The following ZNF536 variants were observed in gnomAD, a reference collection of about 807,000 sequenced individuals.
ZNF536 encodes zinc finger protein 536.
A neutral mutation model predicts 84.5 loss-of-function variants in ZNF536; 13 were observed. The ratio of observed to expected loss-of-function variants is 0.15; its 90% CI spans 0.10 to 0.24. ZNF536 has a LOEUF of 0.24. Ranked by LOEUF, ZNF536 falls within the 10% of genes least tolerant of loss-of-function variation. ZNF536 has a pLI of 1.00. For missense variants in ZNF536, 1,536 were observed against 1,747.5 expected (o/e 0.88, Z 2.16); for synonymous variants, 811 against 742.5 (o/e 1.09, Z -1.50).
chr19:30,465,097 G>T (rs1019065568), intron 2 of ZNF536, among the ~76,000 whole-genome samples: 1 of 152,066 alleles, frequency 6.6e-6, no homozygotes, highest in Non-Finnish European at 1.5e-5. Flanking sequence ...CATGAAGTAC[G>T]GAGTTAAATC....
chr19:30,267,802 G>A (rs1463075922), intron 1 of ZNF536, among the ~76,000 whole-genome samples: 1 of 152,062 alleles, frequency 6.6e-6, no homozygotes, highest in African/African-American at 2.4e-5. Context: ...GGTATTGATA[G>A]TGAGTTTTCA....
intron 1 of ZNF536, among the ~76,000 whole-genome samples, chr19:30,443,229 G>C (rs1278272007): frequency 6.6e-6 from 1 of 151,996 alleles, no homozygotes; most frequent in Non-Finnish European, 1.5e-5. Flanking sequence ...ATGGGGCAAC[G>C]GAGAAAAAGT....
intron 1 of ZNF536, among the ~76,000 whole-genome samples, chr19:30,375,227 C>A (rs552634159): frequency 8.3e-4 from 123 of 148,766 alleles, no homozygotes; most frequent in Non-Finnish European, 1.3e-3. Context: ...CACCCCGAGG[C>A]CGAGCGCTGC....
rs1043533937 is a variant in ZNF536 at position 30,485,214 on chromosome 19, A to C, written c.2170+39482A>C. On this transcript the variant is annotated intron_variant, in intron 2 of 4. Coordinates refer to ENST00000355537, the MANE Select transcript of ZNF536 (RefSeq NM_014717.3). Reference sequence around the variant, plus strand: ...AAATAAAATAAAAAAAGGAAATCAGACCTTGTTAAGGTTCCACCCCTGCAC... The same window carrying C: ...AAATAAAATAAAAAAAGGAAATCAGCCCTTGTTAAGGTTCCACCCCTGCAC... Among the ~76,000 whole-genome samples the C allele has an allele frequency of 3.3e-5, 5 of 151,978 alleles. No homozygotes were observed. In the East Asian group the frequency reaches 9.7e-4, roughly 29 times the overall value.
chr19:30,455,853 T>G (rs923463868), intron 2 of ZNF536, among the ~76,000 whole-genome samples: 5 of 152,248 alleles, frequency 3.3e-5, no homozygotes, highest in African/African-American at 4.8e-5. Context: ...TCCAGTCCTT[T>G]TTATGCAACT....
chr19:30,593,567 T>C (rs926408853), intron 1 of ZNF536, among the ~76,000 whole-genome samples: 3 of 152,180 alleles, frequency 2.0e-5, no homozygotes, highest in African/African-American at 7.2e-5. Context: ...CTGTGACTCT[T>C]TGGCAAAGCA....
intron 1 of ZNF536, among the ~76,000 whole-genome samples, chr19:30,235,423 A>G (rs1372011428): frequency 6.6e-6 from 1 of 152,222 alleles, no homozygotes; most frequent in Admixed American, 6.5e-5. Flanking sequence ...GTCAACCGGA[A>G]CTTGCTACTT....
At chr19:30,572,143 T>C (rs2046570272) in intron 1 of ZNF536, among the ~76,000 whole-genome samples, 1 of 152,164 alleles carries the variant, frequency 6.6e-6, no homozygotes, top group Non-Finnish European at 1.5e-5. Context: ...TGGATTTGTG[T>C]AGTTATCTCT....
At chr19:30,564,992 G>C (rs994743832) in intron 1 of ZNF536, among the ~76,000 whole-genome samples, 1 of 152,092 alleles carries the variant, frequency 6.6e-6, no homozygotes, top group African/African-American at 2.4e-5. Context: ...TTATTTCCTA[G>C]AGGGGCGGGT....
intron 1 of ZNF536, among the ~76,000 whole-genome samples, chr19:30,648,420 G>A (rs1018025571): frequency 6.2e-4 from 95 of 152,174 alleles, no homozygotes; most frequent in African/African-American, 2.2e-3. Flanking sequence ...ACAGGCGCTC[G>A]ACCTACATCA....
chr19:30,687,914 A>G (rs1191102269), intron 1 of ZNF536, among the ~76,000 whole-genome samples: 1 of 151,922 alleles, frequency 6.6e-6, no homozygotes, highest in Non-Finnish European at 1.5e-5. Flanking sequence ...ATGCTATTTC[A>G]CTTAATGCAC....
At chr19:30,645,350 T>C (rs915248560) in intron 1 of ZNF536, among the ~76,000 whole-genome samples, 3 of 152,226 alleles carry the variant, frequency 2.0e-5, no homozygotes, top group African/African-American at 4.8e-5. Context: ...TTTCTTTTGC[T>C]GTGCAGAAGC....
chr19:30,446,009 C>T lies in ZNF536; in HGVS notation c.2170+277C>T, dbSNP rs139327948. Among the ~76,000 whole-genome samples, 677 of 152,018 alleles carry T rather than the reference C, an allele frequency of 4.5e-3. 1 individual carries two copies. The highest frequency in any genetic ancestry group is 0.015 in the African/African-American group (602 of 41,512). On this transcript the variant is annotated intron_variant, in intron 2 of 4. Coordinates refer to ENST00000355537, the MANE Select transcript of ZNF536 (RefSeq NM_014717.3). ...ACGCCTGTAATCCCAGCACTTTGGG[C>T]GCCCGAGGCCGGTGGATCACTTGAG...
chr19:30,662,772 CG>C (rs1332846186), intron 1 of ZNF536, among the ~76,000 whole-genome samples: 1 of 151,956 alleles, frequency 6.6e-6, no homozygotes, highest in Non-Finnish European at 1.5e-5. Flanking sequence ...GACGGCCGGT[CG>C]GGGCTGTGGG....
intron 1 of ZNF536, among the ~76,000 whole-genome samples, chr19:30,623,044 T>G (rs997563281): frequency 2.0e-5 from 3 of 148,762 alleles, no homozygotes; most frequent in Non-Finnish European, 4.5e-5. Context: ...TTTTTTGTTT[T>G]TTTGTTTTTT....
chr19:30,540,217 A>T (rs931587812), intron 3 of ZNF536, among the ~76,000 whole-genome samples: 1 of 152,082 alleles, frequency 6.6e-6, no homozygotes, highest in African/African-American at 2.4e-5. Context: ...TCTTCACGGC[A>T]CAGCTCCTGG....
At chr19:30,281,708 G>T (rs1176110926) in intron 1 of ZNF536, among the ~76,000 whole-genome samples, 1 of 152,256 alleles carries the variant, frequency 6.6e-6, no homozygotes, top group African/African-American at 2.4e-5. Context: ...TACAGCGAGT[G>T]GAATTTCAAG....
In ZNF536 at chr19:30,544,094, C is replaced by A. The variant is rs143542829; in HGVS notation, c.2324-3849C>A. On this transcript the variant is annotated intron_variant, in intron 3 of 4. Coordinates refer to ENST00000355537, the MANE Select transcript of ZNF536 (RefSeq NM_014717.3). Reference sequence around the variant, plus strand: ...AAAATTGAGCTTGTTTCTTTGTGAACATAAGTCCAAAGGGGAAGGGTTTAT... The same window carrying A: ...AAAATTGAGCTTGTTTCTTTGTGAAAATAAGTCCAAAGGGGAAGGGTTTAT... 1.1e-3 allele frequency among the ~76,000 whole-genome samples: 173 copies of A among 152,294 alleles called. 1 individual carries two copies. The highest frequency in any genetic ancestry group is 2.4e-3 in the Admixed American group (36 of 15,300).
At chr19:30,388,030 T>C (rs779080821) in intron 1 of ZNF536, among the ~76,000 whole-genome samples, 5 of 152,070 alleles carry the variant, frequency 3.3e-5, no homozygotes, top group Non-Finnish European at 7.4e-5. Context: ...TCCCATGTAA[T>C]CTCCTGTGGC....
Sources: allele counts gnomAD v4.1 joint callset (sites outside exome capture counted in the v4.1 genomes callset), GRCh38; gene constraint gnomAD v4.1.1; transcripts MANE v1.5; gene names NCBI Gene and HGNC (gene_info 2026-07-23, HGNC 2026-07-21).